The following USP25 variants were observed in gnomAD, a reference collection of about 807,000 sequenced individuals.
USP25 encodes ubiquitin carboxyl-terminal hydrolase 25.
Under a neutral mutation model 158.5 loss-of-function variants are expected in USP25, and 85 were observed. That is an observed-to-expected ratio of 0.54 (90% CI 0.45 to 0.64). The LOEUF (loss-of-function observed/expected upper bound fraction) is 0.64. USP25 is among the 30% of genes least tolerant of loss of function. The probability of loss-of-function intolerance (pLI) is 0.00; values close to 1 mark genes in which losing one functional copy is unlikely to be tolerated. For missense variants in USP25, 1,242 were observed against 1,327.3 expected, an observed-to-expected ratio of 0.94 and a Z score of 1.00; for synonymous variants, 464 against 460.4, an observed-to-expected ratio of 1.01 and a Z score of -0.10.
chr21:15,864,628 A>G (rs376856388), intron 21 of USP25, among the ~76,000 whole-genome samples, 182 bp downstream of exon 21: 10 of 152,156 alleles, frequency 6.6e-5, no homozygotes, highest in East Asian at 5.8e-4. Context: ...TGAAGTTTGA[A>G]CTGAAAATAA....
At chr21:15,757,415 A>AT (rs1016050329) in intron 1 of USP25, among the ~76,000 whole-genome samples, 4 of 152,122 alleles carry the variant, frequency 2.6e-5, no homozygotes, top group Admixed American at 6.5e-5. Flanking sequence ...GATACACCTG[A>AT]TTTTTTTCTA....
Position 15,875,051 on chromosome 21 carries a change from A to C in USP25, c.3009+525A>C, listed in dbSNP as rs2040047139. On this transcript the variant is annotated intron_variant, in intron 24 of 25. Transcript: ENST00000400183. This position sits in a 1 kb window ranked among gnomAD's most constrained non-coding sequence, Gnocchi z 4.7. ...GCTGGATATGGTGGTGTGCGCCTGT[A>C]GTCTCAACTACTCAGGAGGCTGAGG... is the stretch of plus-strand genomic sequence containing the variant. 6.6e-6 allele frequency among the ~76,000 whole-genome samples: 1 copy of C among 152,126 alleles called. No homozygotes were observed.
intron 9 of USP25, among the ~76,000 whole-genome samples, chr21:15,817,768 G>T (rs544456852): frequency 6.6e-6 from 1 of 150,876 alleles, no homozygotes; most frequent in Admixed American, 6.6e-5. Context: ...CACGAGAACG[G>T]TATGGGGGAA....
At chr21:15,834,589 A>G (rs982224417) in intron 17 of USP25, among the ~76,000 whole-genome samples, 1 of 152,226 alleles carries the variant, frequency 6.6e-6, no homozygotes, top group Non-Finnish European at 1.5e-5. Flanking sequence ...AGGAATTATT[A>G]CTTCAATAGA....
At position 15,801,391 on chromosome 21, in the gene USP25, A is replaced by G. The variant is rs1471150143; in HGVS notation, c.642+1548A>G. ...AGAAGTTTGTTTCTTGCAATGGGTT[A>G]GCCTCTCCAGGTGTCCCTTTAGCTT... On this transcript the variant is annotated intron_variant, in intron 6 of 25. Coordinates refer to ENST00000400183, the MANE Select transcript of USP25 (RefSeq NM_001283041.3). Among the ~76,000 whole-genome samples the G allele has an allele frequency of 2.6e-5, 4 of 151,602 alleles. 1 individual carries two copies. The highest frequency in any genetic ancestry group is 4.1e-4 in the South Asian group (2 of 4,836).
intron 1 of USP25, among the ~76,000 whole-genome samples, chr21:15,759,845 C>T (rs947438623): frequency 3.3e-5 from 5 of 152,094 alleles, no homozygotes; most frequent in African/African-American, 1.2e-4. Context: ...TTTTGGTTTA[C>T]GGTATAAAAA....
At chr21:15,849,657 G>T in intron 19 of USP25, 120 bp from the exon 20 acceptor site, 1 of 709,280 alleles carries the variant, frequency 1.4e-6, no homozygotes, top group Non-Finnish European at 2.2e-6. Context: ...GATTAAATTT[G>T]GTATTAAAAG....
At chr21:15,818,382 C>G (rs2037057317) in intron 9 of USP25, among the ~76,000 whole-genome samples, 1 of 152,130 alleles carries the variant, frequency 6.6e-6, no homozygotes, top group South Asian at 2.1e-4. Flanking sequence ...GACCATATCT[C>G]TCTTGTTCAC....
At chr21:15,780,846 G>A (rs950757323) in intron 4 of USP25, among the ~76,000 whole-genome samples, 3 of 152,124 alleles carry the variant, frequency 2.0e-5, no homozygotes, top group African/African-American at 7.2e-5. Context: ...AGTGGATGAG[G>A]GAGGCAGAGT....
intron 1 of USP25, among the ~76,000 whole-genome samples, chr21:15,743,170 C>T (rs1337125605): frequency 7.9e-5 from 12 of 152,110 alleles, no homozygotes; most frequent in African/African-American, 1.9e-4. Flanking sequence ...GGTTCTAGTT[C>T]GAGGGGTCCT....
chr21:15,850,927 A>G (rs2038856853), intron 20 of USP25, among the ~76,000 whole-genome samples: 1 of 152,116 alleles, frequency 6.6e-6, no homozygotes. Context: ...TCCCAGGACA[A>G]GTTGATCACC....
At chr21:15,738,664 GA>G (rs1280693791) in intron 1 of USP25, among the ~76,000 whole-genome samples, 1 of 152,092 alleles carries the variant, frequency 6.6e-6, no homozygotes, top group Non-Finnish European at 1.5e-5. Context: ...CTGTGTAAAA[GA>G]TCATATCATT....
At chr21:15,730,464 G>T in intron 1 of USP25, 26 bp downstream of exon 1, 2 of 1,337,514 alleles carry the variant, frequency 1.5e-6, no homozygotes, top group South Asian at 1.9e-5. Flanking sequence ...CAGCCGGCGG[G>T]CCCCACTTCT....
chr21:15,803,686 A>G (rs1419156752), intron 6 of USP25, among the ~76,000 whole-genome samples: 4 of 151,934 alleles, frequency 2.6e-5, no homozygotes, highest in Non-Finnish European at 4.4e-5. Flanking sequence ...AAAAAACTGC[A>G]TTGACTTAGG....
At chr21:15,802,261 C>T (rs943599467) in intron 6 of USP25, among the ~76,000 whole-genome samples, 3 of 151,476 alleles carry the variant, frequency 2.0e-5, no homozygotes, top group African/African-American at 7.3e-5. Flanking sequence ...TGAATGTCAT[C>T]AGAAGGAAAT....
chr21:15,870,587 T>C (rs1049610454), intron 23 of USP25, among the ~76,000 whole-genome samples: 4 of 152,218 alleles, frequency 2.6e-5, no homozygotes, highest in Non-Finnish European at 4.4e-5. Context: ...TATCTACTTA[T>C]TTAATTATAC....
At chr21:15,821,386 C>T (rs767094139) in intron 10 of USP25, among the ~76,000 whole-genome samples, 1 of 151,900 alleles carries the variant, frequency 6.6e-6, no homozygotes, top group African/African-American at 2.4e-5. Context: ...TGAAGAATGT[C>T]TTTGTATAAA....
intron 5 of USP25, among the ~76,000 whole-genome samples, chr21:15,795,059 T>C (rs2035794272): frequency 6.6e-6 from 1 of 151,646 alleles, no homozygotes; most frequent in South Asian, 2.1e-4. Context: ...CTTAAACCTG[T>C]CTGCTTCCTA....
At chr21:15,757,484 C>T (rs2033454403) in intron 1 of USP25, among the ~76,000 whole-genome samples, 1 of 152,106 alleles carries the variant, frequency 6.6e-6, no homozygotes, top group African/African-American at 2.4e-5. Context: ...TTTCAAAGAC[C>T]TTGCTCTTCT....
Sources: gnomAD v4.1 joint callset for allele counts (sites outside exome capture counted in the v4.1 genomes callset) on GRCh38, gnomAD v4.1.1 for gene constraint, Gnocchi (gnomAD v3.1) non-coding constraint, MANE v1.5 for transcripts, NCBI Gene and HGNC (gene_info 2026-07-23, HGNC 2026-07-21) for gene names.